Variants in ZNF536 observed in about 807,000 individuals in gnomAD.
ZNF536 encodes zinc finger protein 536.
ZNF536 carries 13 observed loss-of-function variants against 84.5 expected under a neutral mutation model. The observed-to-expected ratio is 0.15, with a 90% CI of 0.10 to 0.24. The LOEUF (loss-of-function observed/expected upper bound fraction) is 0.24, where lower values mean the gene tolerates loss of function less well. Ranked by LOEUF, ZNF536 falls within the 10% of genes least tolerant of loss-of-function variation. The probability of loss-of-function intolerance (pLI) is 1.00; values close to 1 mark genes in which losing one functional copy is unlikely to be tolerated. For missense variants in ZNF536, 1,536 were observed against 1,747.5 expected (o/e 0.88, Z 2.16); for synonymous variants, 811 against 742.5 (o/e 1.09, Z -1.50).
At chr19:30,669,183 G>A (rs908567239) in intron 1 of ZNF536, among the ~76,000 whole-genome samples, 1 of 152,218 alleles carries the variant, frequency 6.6e-6, no homozygotes, top group East Asian at 1.9e-4. Context: ...GGCGGCTGGC[G>A]CTCCCTGTCT....
In ZNF536 at chr19:30,506,709, G is replaced by A. The variant is rs757196547; in HGVS notation, c.2171-28138G>A. On this transcript the variant is annotated intron_variant, in intron 2 of 4. Transcript: ENST00000355537. ...CCTTTCTTTCCAAGGACGGTCTGCC[G>A]AGCTGATTGGGCCTCGAGTAATCCA... 9.2e-5 allele frequency among the ~76,000 whole-genome samples: 14 copies of A among 152,128 alleles called. No individual in the cohort carries two copies. In the South Asian group the frequency reaches 1.7e-3, roughly 18 times the overall value.
intron 3 of ZNF536, among the ~76,000 whole-genome samples, chr19:30,536,528 G>A (rs4474808): frequency 0.32 from 49,376 of 152,062 alleles, 9,555 homozygotes; most frequent in African/African-American, 0.55. Flanking sequence ...TTGAATTGCT[G>A]TCATTTCTAT....
At chr19:30,393,299 T>C (rs1373373293) in intron 1 of ZNF536, among the ~76,000 whole-genome samples, 1 of 152,218 alleles carries the variant, frequency 6.6e-6, no homozygotes, top group Non-Finnish European at 1.5e-5. Flanking sequence ...TTTGCTGATC[T>C]GATCAAAAGA....
At chr19:30,471,212 A>T (rs1417887293) in intron 2 of ZNF536, among the ~76,000 whole-genome samples, 2 of 152,204 alleles carry the variant, frequency 1.3e-5, no homozygotes, top group African/African-American at 4.8e-5. Flanking sequence ...GACCATTCTC[A>T]TCACATCGTG....
chr19:30,479,949 G>T (rs569504465), intron 2 of ZNF536, among the ~76,000 whole-genome samples: 2 of 152,206 alleles, frequency 1.3e-5, no homozygotes, highest in Non-Finnish European at 2.9e-5. Context: ...CTTCAGGGCT[G>T]GTTCCAAGGG....
intron 1 of ZNF536, among the ~76,000 whole-genome samples, chr19:30,233,081 A>C (rs1386168629): frequency 6.6e-6 from 1 of 152,180 alleles, no homozygotes; most frequent in Non-Finnish European, 1.5e-5. Flanking sequence ...TGGACTGTGC[A>C]CTAAACAGGG....
chr19:30,288,371 T>G (rs1262489404), intron 2 of ZNF536, among the ~76,000 whole-genome samples: 1 of 152,204 alleles, frequency 6.6e-6, no homozygotes, highest in Non-Finnish European at 1.5e-5. Context: ...CTCAGTCCTA[T>G]TAGGTCAGCT....
At chr19:30,607,662 C>A (rs1191046884) in intron 1 of ZNF536, among the ~76,000 whole-genome samples, 1 of 146,600 alleles carries the variant, frequency 6.8e-6, no homozygotes, top group East Asian at 2.0e-4. Flanking sequence ...GCAGAGGCTG[C>A]AGTGAGCTGA....
At chr19:30,492,690 G>A (rs1257904297) in intron 2 of ZNF536, among the ~76,000 whole-genome samples, 1 of 152,154 alleles carries the variant, frequency 6.6e-6, no homozygotes, top group African/African-American at 2.4e-5. Context: ...ACTCACAATA[G>A]CAGATTAATT....
chr19:30,578,722 G>T (rs760095027), intron 1 of ZNF536, among the ~76,000 whole-genome samples: 2 of 152,240 alleles, frequency 1.3e-5, no homozygotes, highest in Non-Finnish European at 2.9e-5. Context: ...TCACTTTGCA[G>T]AGCAGGAAGG....
intron 1 of ZNF536, among the ~76,000 whole-genome samples, chr19:30,643,664 G>A (rs182857153): frequency 1.1e-4 from 16 of 152,016 alleles, no homozygotes; most frequent in African/African-American, 4.8e-5. Flanking sequence ...CTGCAGGGGG[G>A]GGTTTTGGGG....
At chr19:30,563,070 C>T (rs78057385) in intron 1 of ZNF536, among the ~76,000 whole-genome samples, 1,674 of 152,272 alleles carry the variant, frequency 0.011, 18 homozygotes, top group African/African-American at 0.019. Context: ...GAGTCACCCT[C>T]ATTTCAATTA....
chr19:30,519,606 A>G (rs1599669326), intron 2 of ZNF536, among the ~76,000 whole-genome samples: 1 of 152,210 alleles, frequency 6.6e-6, no homozygotes, highest in East Asian at 1.9e-4. Flanking sequence ...CCACTCACAG[A>G]CACAGGCCAC....
intron 1 of ZNF536, among the ~76,000 whole-genome samples, chr19:30,382,282 C>T (rs1720068751): frequency 1.3e-5 from 2 of 152,136 alleles, no homozygotes; most frequent in South Asian, 4.2e-4. Flanking sequence ...CTTGTAAGTC[C>T]TTGTGCATCA....
At chr19:30,354,660 C>T (rs1600354473) in intron 3 of ZNF536, among the ~76,000 whole-genome samples, 1 of 152,204 alleles carries the variant, frequency 6.6e-6, no homozygotes, top group Admixed American at 6.5e-5. Context: ...TGGAAATATA[C>T]ATCCTGGAAT....
intron 1 of ZNF536, among the ~76,000 whole-genome samples, chr19:30,573,562 A>G (rs887365308): frequency 3.3e-5 from 5 of 152,144 alleles, no homozygotes; most frequent in Admixed American, 1.3e-4. Context: ...ACATGATACT[A>G]TGAGAAACAC....
At chr19:30,498,765 G>T (rs1327730491) in intron 2 of ZNF536, among the ~76,000 whole-genome samples, 2 of 152,126 alleles carry the variant, frequency 1.3e-5, no homozygotes, top group African/African-American at 4.8e-5. Context: ...TGAGGTGACT[G>T]CGTGGGGACC....
chr19:30,322,519 G>A lies in ZNF536; in HGVS notation c.-119-29849G>A, dbSNP rs139534399. ...GCAGGCGCCTTCTTGGGAGGGCTGC[G>A]TGTGTTACATGCTTGCTTCTGGGGT... is the stretch of plus-strand genomic sequence containing the variant. On this transcript the variant is annotated intron_variant, in intron 2 of 5. Coordinates refer to the ZNF536 transcript ENST00000585628. 3.5e-3 allele frequency among the ~76,000 whole-genome samples: 534 copies of A among 152,256 alleles called. 6 individuals carry two copies. Among genetic ancestry groups the A allele is most frequent in the African/African-American group, 0.012 (501 of 41,564 alleles).
intron 2 of ZNF536, among the ~76,000 whole-genome samples, chr19:30,316,139 G>A (rs2046671590): frequency 1.3e-5 from 2 of 152,308 alleles, no homozygotes; most frequent in South Asian, 4.1e-4. Context: ...ATTCCTAGAA[G>A]TAGCATTGCA....
Sources: gnomAD v4.1 joint callset for allele counts (sites outside exome capture counted in the v4.1 genomes callset) on GRCh38, gnomAD v4.1.1 for gene constraint, MANE v1.5 for transcripts, NCBI Gene and HGNC (gene_info 2026-07-23, HGNC 2026-07-21) for gene names.